Variants in TNFAIP6 observed in about 807,000 individuals in gnomAD.
TNFAIP6 encodes the protein tumor necrosis factor-inducible gene 6 protein.
In TNFAIP6, 36 loss-of-function variants were observed where a neutral mutation model predicts 33.7. The ratio of observed to expected loss-of-function variants is 1.07; its 90% CI spans 0.82 to 1.41. The LOEUF (loss-of-function observed/expected upper bound fraction) is 1.41, where lower values mean the gene tolerates loss of function less well. TNFAIP6 is among the 40% of genes most tolerant of loss of function. The probability of loss-of-function intolerance (pLI) is 0.00; values close to 1 mark genes in which losing one functional copy is unlikely to be tolerated. For missense variants in TNFAIP6, 273 were observed against 331.9 expected (o/e 0.82, Z 1.38); for synonymous variants, 113 against 112.8 (o/e 1.00, Z -0.01).
chr2:151,377,789 G>A (rs1033143549), intron 5 of TNFAIP6, among the ~76,000 whole-genome samples: 1 of 151,566 alleles, frequency 6.6e-6, no homozygotes, highest in South Asian at 2.1e-4. Context: ...AGTCTGTCTC[G>A]TGCAAAATTT....
Position 151,366,083 on chromosome 2 carries a change from T to C in TNFAIP6, c.260T>C (p.Met87Thr), listed in dbSNP as rs149442878. ...TTTCATGTCTGTGCTGCTGGATGGA[T>C]GGCTAAGGGCAGAGTTGGATACCCC... ...IGFHVCAAGW[M>T]AKGRVGYPIV... The change falls in exon 3 of 6, where the codon ATG (methionine) becomes ACG (threonine). Residue 87 changes from methionine to threonine, a missense_variant. Coordinates refer to ENST00000243347, the MANE Select transcript of TNFAIP6 (RefSeq NM_007115.4). 1.9e-6 allele frequency: 3 copies of C among 1,614,032 alleles called. No individual in the cohort carries two copies. Among genetic ancestry groups the C allele is most frequent in the Non-Finnish European group, 2.5e-6 (3 of 1,180,010 alleles).
Position 151,366,216 on chromosome 2 carries a change from C to T in TNFAIP6, c.393C>T (p.His131=), listed in dbSNP as rs201527132. ...GGGATGCCTATTGCTACAACCCACA[C>T]GGTGTGTTAAAAATAATAATTTTAT... ...ERWDAYCYNP[H]AKECGGVFTD... is the part of the protein sequence containing the mutation. The change falls in exon 3 of 6, where the codon CAC becomes CAT. Residue 131 remains histidine, a splice_region_variant and synonymous_variant. Transcript: ENST00000243347. The T allele has an allele frequency of 3.0e-5, 49 of 1,613,162 alleles. No homozygotes were observed. The highest frequency in any genetic ancestry group is 4.5e-5 in the East Asian group (2 of 44,870).
chr2:151,366,240 A>T (rs768131428), intron 3 of TNFAIP6, 23 bp downstream of exon 3: 35 of 1,609,172 alleles, frequency 2.2e-5, no homozygotes, highest in Non-Finnish European at 2.8e-5. Flanking sequence ...TAATAATTTT[A>T]TGTTTTGCAA....
intron 5 of TNFAIP6, among the ~76,000 whole-genome samples, chr2:151,378,329 T>C (rs1351715346): frequency 6.6e-6 from 1 of 152,232 alleles, no homozygotes; most frequent in Non-Finnish European, 1.5e-5. Flanking sequence ...AAAATGTGTT[T>C]AGGTACTCTG....
At position 151,366,967 on chromosome 2, in the gene TNFAIP6, C is replaced by G. The variant is rs10180428; in HGVS notation, c.394+750C>G. 7.2e-3 allele frequency among the ~76,000 whole-genome samples: 1,099 copies of G among 152,196 alleles called. 16 individuals carry two copies. The highest frequency in any genetic ancestry group is 0.025 in the African/African-American group (1,052 of 41,510). On this transcript the variant is annotated intron_variant, in intron 3 of 5. Transcript: ENST00000243347. The stretch of plus-strand genomic sequence containing the variant: ...GCTGTTCTTTTTGGGTATATTTCCA[C>G]CAGGACAATGTTACAAAATATTACA...
chr2:151,365,477 A>G (rs1684694289), intron 2 of TNFAIP6, among the ~76,000 whole-genome samples: 1 of 151,996 alleles, frequency 6.6e-6, no homozygotes, highest in Non-Finnish European at 1.5e-5. Context: ...CATCTCTACT[A>G]AAAATACAAA....
chr2:151,375,279 C>T (rs1051544370), intron 5 of TNFAIP6, among the ~76,000 whole-genome samples: 15 of 149,368 alleles, frequency 1.0e-4, no homozygotes, highest in African/African-American at 3.4e-4. Flanking sequence ...ATTTATCATT[C>T]AAAGAGAAAC....
At chr2:151,378,888 G>C (rs180757080) in intron 5 of TNFAIP6, among the ~76,000 whole-genome samples, 2 of 151,602 alleles carry the variant, frequency 1.3e-5, no homozygotes, top group Admixed American at 6.6e-5. Context: ...ACCTGAGGTC[G>C]GGAGTTTGAG....
chr2:151,375,228 T>C (rs1684884652), intron 5 of TNFAIP6, among the ~76,000 whole-genome samples: 1 of 149,978 alleles, frequency 6.7e-6, no homozygotes, highest in Non-Finnish European at 1.5e-5. Flanking sequence ...GGGGTTTTAT[T>C]GGCACAACTT....
At chr2:151,379,281 T>TA in intron 5 of TNFAIP6, 83 bp from the exon 6 acceptor site, 1 of 1,248,744 alleles carries the variant, frequency 8.0e-7, no homozygotes, top group East Asian at 2.6e-5. Context: ...TATATTCTCC[T>TA]ATGAGAATGA....
At chr2:151,362,942 G>A (rs1490727497) in intron 1 of TNFAIP6, among the ~76,000 whole-genome samples, 1 of 152,034 alleles carries the variant, frequency 6.6e-6, no homozygotes, top group Admixed American at 6.5e-5. Flanking sequence ...ACCTTTGCAC[G>A]TTTTTATATA....
At chr2:151,380,184 T>C (rs1684989541), downstream of TNFAIP6, 1 of 152,210 alleles carries the variant, frequency 6.6e-6, no homozygotes, top group Non-Finnish European at 1.5e-5. Context: ...TGCATTTCTT[T>C]ATTCATGAGA....
chr2:151,366,781 A>G (rs562016274), intron 3 of TNFAIP6, among the ~76,000 whole-genome samples: 6 of 152,286 alleles, frequency 3.9e-5, no homozygotes, highest in Non-Finnish European at 7.4e-5. Flanking sequence ...CTCTAATTCT[A>G]TGGTTTAACA....
chr2:151,377,867 C>T (rs1460751762), intron 5 of TNFAIP6, among the ~76,000 whole-genome samples: 4 of 152,074 alleles, frequency 2.6e-5, no homozygotes, highest in Non-Finnish European at 5.9e-5. Flanking sequence ...AGCATGAACT[C>T]GGAAACCAGA....
chr2:151,362,480 C>CTT (rs34640251), intron 1 of TNFAIP6, among the ~76,000 whole-genome samples: 2,591 of 56,840 alleles, frequency 0.046, 1,022 homozygotes, highest in African/African-American at 0.1. Context: ...TTACTAAATT[C>CTT]TTTTTTTTTT....
intron 1 of TNFAIP6, among the ~76,000 whole-genome samples, chr2:151,358,041 C>T (rs911753380): frequency 6.6e-6 from 1 of 151,896 alleles, no homozygotes; most frequent in Non-Finnish European, 1.5e-5. Context: ...CTTTTCAAAG[C>T]AGATGTAGTA....
At position 151,360,122 on chromosome 2, in the gene TNFAIP6, ACT is replaced by A. The variant is rs998363897; in HGVS notation, c.94+2365_94+2366del. On this transcript the variant is annotated intron_variant, in intron 1 of 5. Coordinates refer to ENST00000243347, the MANE Select transcript of TNFAIP6 (RefSeq NM_007115.4). ...AGACCAGCCTGGGCAACATAGAGAA[ACT>A]CTGTCTCTACCAAAAAAAACACAAT... 2.6e-4 allele frequency among the ~76,000 whole-genome samples: 39 copies of A among 151,842 alleles called. No individual in the cohort carries two copies. The Middle Eastern group carries it at 0.01, about 40-fold the overall frequency.
intron 5 of TNFAIP6, among the ~76,000 whole-genome samples, 164 bp from the exon 6 acceptor site, chr2:151,379,200 G>A (rs560596598): frequency 4.6e-5 from 7 of 152,264 alleles, no homozygotes; most frequent in African/African-American, 7.2e-5. Context: ...TGTTCCATGC[G>A]GCAATGAAAC....
intron 2 of TNFAIP6, among the ~76,000 whole-genome samples, chr2:151,364,832 C>T (rs925320276): frequency 2.6e-5 from 4 of 152,134 alleles, no homozygotes; most frequent in African/African-American, 9.7e-5. Flanking sequence ...TGCCCCAAAG[C>T]CTCCCCAGAT....
Sources: allele counts gnomAD v4.1 joint callset (sites outside exome capture counted in the v4.1 genomes callset), GRCh38; gene constraint gnomAD v4.1.1; transcripts MANE v1.5; gene names NCBI Gene and HGNC (gene_info 2026-07-23, HGNC 2026-07-21).